Variants in ART1 observed in about 807,000 individuals in gnomAD.
ART1 encodes the protein GPI-linked NAD(P)(+)--arginine ADP-ribosyltransferase 1.
Under a neutral mutation model 27.0 loss-of-function variants are expected in ART1, and 29 were observed. That is an observed-to-expected ratio of 1.08 (90% CI 0.80 to 1.47). The LOEUF (loss-of-function observed/expected upper bound fraction) is 1.47. Among genes scored for constraint, ART1 ranks in the 40% most tolerant of loss-of-function variants. ART1 has a pLI of 0.00. For synonymous variants in ART1, 201 were observed against 172.2 expected, an observed-to-expected ratio of 1.17 and a Z score of -1.31; for missense variants, 480 against 423.0, an observed-to-expected ratio of 1.13 and a Z score of -1.18.
At chr11:3,649,733 T>A (rs2133948276) in intron 1 of ART1, among the ~76,000 whole-genome samples, 1 of 152,322 alleles carries the variant, frequency 6.6e-6, no homozygotes, top group South Asian at 2.1e-4. Flanking sequence ...CAATTTCCTC[T>A]TAAAAAGGTG....
intron 1 of ART1, among the ~76,000 whole-genome samples, chr11:3,653,563 T>A: frequency 6.6e-6 from 1 of 152,128 alleles, no homozygotes; most frequent in Non-Finnish European, 1.5e-5. Flanking sequence ...TCAGTCCACC[T>A]GCACTCAGGT....
At chr11:3,646,492 C>G (rs556653073) in intron 1 of ART1, among the ~76,000 whole-genome samples, 1 of 152,076 alleles carries the variant, frequency 6.6e-6, no homozygotes, top group Non-Finnish European at 1.5e-5. Context: ...TTAACAGGAG[C>G]CACCCTGAGC....
In ART1 at chr11:3,663,033, A is replaced by ATCTCATCTCATCTCATCTCATC. The variant is rs756357966; in HGVS notation, c.887-1057_887-1056insTCATCTCATCTCATCTCATCTC. ...TCATCTCATCATCTCATCTCATCTCATCATCTCATCTCATCTCATCTCATC... is the reference window on the plus strand; with the variant it reads ...TCATCTCATCATCTCATCTCATCTCATCTCATCTCATCTCATCTCATCTCATCTCATCTCATCTCATCTCATC... On this transcript the variant is annotated intron_variant, in intron 4 of 4. Coordinates refer to ENST00000250693, the MANE Select transcript of ART1 (RefSeq NM_004314.3). Among the ~76,000 whole-genome samples the ATCTCATCTCATCTCATCTCATC allele has an allele frequency of 1.7e-4, 14 of 82,410 alleles. 2 individuals are homozygous for ATCTCATCTCATCTCATCTCATC. The highest frequency in any genetic ancestry group is 6.7e-4 in the African/African-American group (14 of 20,866). 54.1% of individuals were successfully genotyped at this position (82,410 alleles called of 152,430 possible). A position where few individuals can be genotyped will look rare whatever the true frequency, so the allele number is the denominator to read the frequency against.
rs1328980224 is a variant in ART1 at position 3,659,904 on chromosome 11, AAGG to A, written c.388_390del (p.Glu130del). ...CTACACAGCCAACAGCCCCCTGCAC[AAGG>A]AGTTCAATGCAGCCGTGCGTGAGGC... On this transcript the variant is annotated inframe_deletion, in exon 3 of 5. Coordinates refer to ENST00000250693, the MANE Select transcript of ART1 (RefSeq NM_004314.3). 1 of 1,613,072 alleles carries A rather than the reference AAGG, an allele frequency of 6.2e-7. No homozygotes were observed. Among genetic ancestry groups the A allele is most frequent in the East Asian group, 2.2e-5 (1 of 44,870 alleles).
intron 1 of ART1, among the ~76,000 whole-genome samples, chr11:3,656,058 G>A (rs913845313): frequency 1.3e-5 from 2 of 149,494 alleles, no homozygotes; most frequent in South Asian, 2.1e-4. Flanking sequence ...TCAGCTTCCC[G>A]AGTAGTTGGG....
chr11:3,660,473 A>C, intron 3 of ART1, 110 bp downstream of exon 3: 2 of 1,266,492 alleles, frequency 1.6e-6, no homozygotes, highest in Non-Finnish European at 2.1e-6. Flanking sequence ...GGATACATAA[A>C]TACAAGTCAT....
chr11:3,655,011 C>G (rs2077559228), intron 1 of ART1, among the ~76,000 whole-genome samples: 1 of 152,216 alleles, frequency 6.6e-6, no homozygotes, highest in Non-Finnish European at 1.5e-5. Context: ...GCCACAAAAT[C>G]TCAGTGGCAA....
intron 4 of ART1, among the ~76,000 whole-genome samples, chr11:3,663,127 ATC>A (rs1491583895): frequency 7.0e-6 from 1 of 143,560 alleles, no homozygotes; most frequent in East Asian, 2.0e-4. Flanking sequence ...ATCTCATCTC[ATC>A]TCATCTCATC....
At chr11:3,647,040 G>A (rs1437498003) in intron 1 of ART1, among the ~76,000 whole-genome samples, 1 of 152,138 alleles carries the variant, frequency 6.6e-6, no homozygotes, top group Non-Finnish European at 1.5e-5. Context: ...ATAAAAACAG[G>A]CCAGGCACGG....
chr11:3,664,152 T>A lies in ART1; in HGVS notation c.947T>A (p.Val316Glu). Residue 316 changes from valine (V) to glutamate (E), a missense_variant, in exon 5 of 5, where the codon GTG becomes GAG. Coordinates refer to ENST00000250693, the MANE Select transcript of ART1 (RefSeq NM_004314.3). ...TTGCTGCTGCTGCTCTGGTTCCTCG[T>A]GGTGAGGGCCTTTCCAGATGGTCCA... The part of the protein sequence containing the change: ...WSLLLLLWFL[V>E]VRAFPDGPGL... 6.2e-7 allele frequency: 1 copy of A among 1,614,100 alleles called. No individual in the cohort carries two copies. The highest frequency in any genetic ancestry group is 1.1e-5 in the South Asian group (1 of 91,090).
chr11:3,648,669 A>G (rs2077489239), intron 1 of ART1, among the ~76,000 whole-genome samples: 1 of 152,194 alleles, frequency 6.6e-6, no homozygotes, highest in South Asian at 2.1e-4. Flanking sequence ...TTGGTGTTTA[A>G]TCATTGCAGG....
At chr11:3,647,339 CAAA>C (rs113492253) in intron 1 of ART1, among the ~76,000 whole-genome samples, 3 of 132,560 alleles carry the variant, frequency 2.3e-5, no homozygotes, top group Non-Finnish European at 4.9e-5. Context: ...CAAAACAAAA[CAAA>C]AAAAAAAACG....
intron 3 of ART1, 77 bp from the exon 4 acceptor site, chr11:3,661,295 G>A: frequency 5.2e-6 from 7 of 1,351,668 alleles, no homozygotes; most frequent in Non-Finnish European, 7.2e-6. Flanking sequence ...GTCAGGGATG[G>A]ACTACCAGGG....
At chr11:3,661,295 G>T in intron 3 of ART1, 77 bp from the exon 4 acceptor site, 1 of 1,351,670 alleles carries the variant, frequency 7.4e-7, no homozygotes, top group Non-Finnish European at 1.0e-6. Context: ...GTCAGGGATG[G>T]ACTACCAGGG....
chr11:3,649,349 C>T (rs1185028355), intron 1 of ART1, among the ~76,000 whole-genome samples: 1 of 152,204 alleles, frequency 6.6e-6, no homozygotes, highest in Non-Finnish European at 1.5e-5. Context: ...TTTTTCCATC[C>T]TGCAAGATCT....
At chr11:3,648,447 C>A (rs989327323) in intron 1 of ART1, among the ~76,000 whole-genome samples, 2 of 152,208 alleles carry the variant, frequency 1.3e-5, no homozygotes, top group Admixed American at 6.5e-5. Flanking sequence ...TCACCAATTT[C>A]AAATCCAGTA....
intron 4 of ART1, among the ~76,000 whole-genome samples, chr11:3,663,086 C>A: frequency 1.5e-5 from 1 of 68,022 alleles, no homozygotes; most frequent in East Asian, 4.7e-4. Context: ...ATCATCTCAT[C>A]TCATCATCTC....
chr11:3,648,754 C>A (rs1374725073), intron 1 of ART1, among the ~76,000 whole-genome samples: 2 of 152,120 alleles, frequency 1.3e-5, no homozygotes, highest in African/African-American at 4.8e-5. Flanking sequence ...GTCCTTCACC[C>A]TTAGCGGCAA....
intron 3 of ART1, 41 bp downstream of exon 3, chr11:3,660,404 G>A: frequency 4.5e-6 from 7 of 1,560,850 alleles, no homozygotes; most frequent in Non-Finnish European, 6.0e-6. Context: ...GCGGAAGGTG[G>A]ACCTTCCACA....
Sources: gnomAD v4.1 joint callset for allele counts (sites outside exome capture counted in the v4.1 genomes callset) on GRCh38, gnomAD v4.1.1 for gene constraint, MANE v1.5 for transcripts, NCBI Gene and HGNC (gene_info 2026-07-23, HGNC 2026-07-21) for gene names.